The following CTDSPL variants were observed in gnomAD, a reference collection of about 807,000 sequenced individuals.
CTDSPL encodes CTD small phosphatase like, also known as CTD small phosphatase-like protein.
Under a neutral mutation model 30.5 loss-of-function variants are expected in CTDSPL, and 8 were observed. That is an observed-to-expected ratio of 0.26 (90% confidence interval 0.15 to 0.47). The LOEUF is 0.47. Among genes scored for constraint, CTDSPL ranks in the 20% least tolerant of loss-of-function variants. The probability of loss-of-function intolerance (pLI) is 0.99; values close to 1 mark genes in which losing one functional copy is unlikely to be tolerated. For missense variants in CTDSPL, 248 were observed against 366.1 expected (o/e 0.68, Z 2.63); for synonymous variants, 110 against 137.9 (o/e 0.80, Z 1.42).
At chr3:37,978,374 A>AT (rs1488402560) in intron 7 of CTDSPL, among the ~76,000 whole-genome samples, 1 of 152,148 alleles carries the variant, frequency 6.6e-6, no homozygotes, top group Non-Finnish European at 1.5e-5. Context: ...TGGATTTTGG[A>AT]TTTTTTAGGA....
intron 1 of CTDSPL, among the ~76,000 whole-genome samples, chr3:37,891,932 T>C (rs1698332767): frequency 6.6e-6 from 1 of 152,236 alleles, no homozygotes. Context: ...TTATGTACTT[T>C]ACAACAGCTA....
At chr3:37,968,919 A>G (rs1159141704) in intron 5 of CTDSPL, among the ~76,000 whole-genome samples, 1 of 152,154 alleles carries the variant, frequency 6.6e-6, no homozygotes, top group African/African-American at 2.4e-5. Flanking sequence ...CTTCCCTCCC[A>G]TGTCCTTGCT....
At position 37,925,761 on chromosome 3, in the gene CTDSPL, T is replaced by C. The variant is rs531387142; in HGVS notation, c.80-21296T>C. 1.6e-4 allele frequency among the ~76,000 whole-genome samples: 24 copies of C among 151,974 alleles called. No homozygotes were observed. The South Asian group carries it at 4.6e-3, about 29-fold the overall frequency. On this transcript the variant is annotated intron_variant, in intron 1 of 7. Transcript: ENST00000273179. ...CCAGTGGAGGGTGTGTGACAGAGAA[T>C]GGGAAAAGGAGGAATGGAAGAGATG...
intron 5 of CTDSPL, among the ~76,000 whole-genome samples, chr3:37,970,538 TC>T (rs1446955868): frequency 6.6e-6 from 1 of 152,214 alleles, no homozygotes; most frequent in Non-Finnish European, 1.5e-5. Context: ...AATTAGTTCT[TC>T]CCTCCTCCCA....
chr3:37,950,951 T>C (rs1699099588), intron 2 of CTDSPL, among the ~76,000 whole-genome samples: 1 of 152,212 alleles, frequency 6.6e-6, no homozygotes, highest in South Asian at 2.1e-4. Flanking sequence ...AAATTCTGTA[T>C]GTGACCAAGA....
chr3:37,878,610 C>G (rs1698165723), intron 1 of CTDSPL, among the ~76,000 whole-genome samples: 1 of 152,134 alleles, frequency 6.6e-6, no homozygotes, highest in Admixed American at 6.5e-5. Flanking sequence ...AATTTTTGGT[C>G]ATGATTTAAA....
In CTDSPL at chr3:37,895,803, G is replaced by A. The variant is rs917417542; in HGVS notation, c.79+33525G>A. ...TAGAGAAGTAAGAGTTTTTACCCAGGTATATATATTTGTCAAGACTCAGTG... is the reference window on the plus strand; with the variant it reads ...TAGAGAAGTAAGAGTTTTTACCCAGATATATATATTTGTCAAGACTCAGTG... On this transcript the variant is annotated intron_variant, in intron 1 of 7. Transcript: ENST00000273179. Among the ~76,000 whole-genome samples, 14 of 152,044 alleles carry A rather than the reference G, an allele frequency of 9.2e-5. No individual in the cohort carries two copies. The East Asian group carries it at 1.5e-3, about 17-fold the overall frequency.
intron 1 of CTDSPL, among the ~76,000 whole-genome samples, chr3:37,900,338 A>C (rs1698435431): frequency 6.6e-6 from 1 of 152,210 alleles, no homozygotes; most frequent in Non-Finnish European, 1.5e-5. Flanking sequence ...CAACCCCTGA[A>C]CTGACATTAT....
chr3:37,942,455 T>C (rs1304668524), intron 1 of CTDSPL, among the ~76,000 whole-genome samples: 2 of 150,134 alleles, frequency 1.3e-5, no homozygotes, highest in Non-Finnish European at 3.0e-5. Context: ...CCTGCCTGAG[T>C]AGCATGACAA....
chr3:37,876,693 A>G (rs1698138365), intron 1 of CTDSPL, among the ~76,000 whole-genome samples: 1 of 151,872 alleles, frequency 6.6e-6, no homozygotes, highest in Non-Finnish European at 1.5e-5. Flanking sequence ...TTTTAATGTA[A>G]TTCTGTTTAC....
intron 5 of CTDSPL, chr3:37,968,437 C>T (rs1357811667): frequency 1.8e-5 from 4 of 224,520 alleles, no homozygotes; most frequent in Middle Eastern, 4.7e-4. Context: ...AGTTGGCATG[C>T]GTCTTCGTTG....
chr3:37,927,916 A>T (rs1199334702), intron 1 of CTDSPL, among the ~76,000 whole-genome samples: 1 of 151,918 alleles, frequency 6.6e-6, no homozygotes, highest in Non-Finnish European at 1.5e-5. Context: ...TGCATTAAAT[A>T]CCTCATGTAA....
intron 1 of CTDSPL, among the ~76,000 whole-genome samples, chr3:37,901,969 C>A (rs62239974): frequency 0.038 from 5,860 of 152,214 alleles, 219 homozygotes; most frequent in Non-Finnish European, 0.051. Context: ...CTTTCATCTT[C>A]GTGGTTGCGA....
At position 37,977,305 on chromosome 3, in the gene CTDSPL, G is replaced by A. The variant is rs189141206; in HGVS notation, c.705+1411G>A. ...CATCTCGAAGTGTTGTGCATTTGGA[G>A]TATTTCAATCGGGATCCAAAAAGAT... On this transcript the variant is annotated intron_variant, in intron 7 of 7. Transcript: ENST00000273179. Among the ~76,000 whole-genome samples the A allele has an allele frequency of 2.9e-3, 444 of 152,278 alleles. 2 individuals carry two copies. Among genetic ancestry groups the A allele is most frequent in the Non-Finnish European group, 3.9e-3 (264 of 68,018 alleles).
intron 1 of CTDSPL, among the ~76,000 whole-genome samples, chr3:37,895,210 G>A (rs1698377283): frequency 6.6e-6 from 1 of 151,988 alleles, no homozygotes; most frequent in South Asian, 2.1e-4. Context: ...GTTTATTATT[G>A]TTTCTTTTGT....
At chr3:37,929,445 T>G (rs974285330) in intron 1 of CTDSPL, among the ~76,000 whole-genome samples, 1 of 152,226 alleles carries the variant, frequency 6.6e-6, no homozygotes, top group African/African-American at 2.4e-5. Context: ...TATTAGATCT[T>G]CTTTAGTTTC....
At chr3:37,979,467 C>T (rs4679010) in intron 7 of CTDSPL, among the ~76,000 whole-genome samples, 27 of 151,960 alleles carry the variant, frequency 1.8e-4, no homozygotes, top group African/African-American at 4.6e-4. Flanking sequence ...CTGGGCATGG[C>T]GGCAGGTGCC....
At chr3:37,906,732 T>A (rs1006140502) in intron 1 of CTDSPL, among the ~76,000 whole-genome samples, 2 of 152,218 alleles carry the variant, frequency 1.3e-5, no homozygotes, top group African/African-American at 4.8e-5. Context: ...GCTGCTGTGC[T>A]GCCCACTCTA....
intron 1 of CTDSPL, among the ~76,000 whole-genome samples, chr3:37,945,576 G>T (rs1247360968): frequency 3.3e-5 from 5 of 152,170 alleles, no homozygotes; most frequent in African/African-American, 1.2e-4. Context: ...CATGCCTGGC[G>T]GTCCCAATGG....
Sources: allele counts gnomAD v4.1 joint callset (sites outside exome capture counted in the v4.1 genomes callset), GRCh38; gene constraint gnomAD v4.1.1; transcripts MANE v1.5; gene names NCBI Gene and HGNC (gene_info 2026-07-23, HGNC 2026-07-21).